The following USP31 variants were observed in gnomAD, a reference collection of about 807,000 sequenced individuals.
USP31 encodes the protein ubiquitin carboxyl-terminal hydrolase 31.
USP31 carries 44 observed loss-of-function variants against 119.4 expected under a neutral mutation model. The observed-to-expected ratio is 0.37, with a 90% CI of 0.29 to 0.47. The LOEUF is 0.47. Ranked by LOEUF, USP31 falls within the 20% of genes least tolerant of loss-of-function variation. The pLI is 0.99. For missense variants in USP31, 1,643 were observed against 1,730.2 expected, an observed-to-expected ratio of 0.95 and a Z score of 0.89; for synonymous variants, 749 against 705.6, an observed-to-expected ratio of 1.06 and a Z score of -0.97.
At chr16:23,079,891 C>T in intron 13 of USP31, 55 bp downstream of exon 13, 1 of 1,475,570 alleles carries the variant, frequency 6.8e-7, no homozygotes, top group Non-Finnish European at 9.0e-7. Flanking sequence ...CTGCCACAAG[C>T]AAACCCGTCT....
rs143554067 is a variant in USP31 at position 23,068,580 on chromosome 16, T to C, written c.3525A>G (p.Lys1175=). ...SDRASATSTS[K]PNSPRVSQAR... is the part of the protein sequence containing the mutation. Reference sequence around the variant, plus strand: ...CCTGGCTCACCCGAGGGGAATTGGGTTTGGAGGTGGAGGTGGCGCTGGCTC... The same window carrying C: ...CCTGGCTCACCCGAGGGGAATTGGGCTTGGAGGTGGAGGTGGCGCTGGCTC... Residue 1175 remains lysine, a synonymous_variant, in exon 16 of 16, where the codon AAA becomes AAG. Coordinates refer to ENST00000219689, the MANE Select transcript of USP31 (RefSeq NM_020718.4). The C allele has an allele frequency of 6.2e-7, 1 of 1,613,582 alleles. No homozygotes were observed. The highest frequency in any genetic ancestry group is 1.3e-5 in the African/African-American group (1 of 74,738).
At chr16:23,134,397 T>C (rs928595720) in intron 1 of USP31, among the ~76,000 whole-genome samples, 1 of 152,208 alleles carries the variant, frequency 6.6e-6, no homozygotes, top group Non-Finnish European at 1.5e-5. Context: ...CCAGGCCCCC[T>C]GCCAAGTTTT....
At position 23,120,735 on chromosome 16, in the gene USP31, T is replaced by C. The variant is rs1902638963; in HGVS notation, c.634-12552A>G. Among the ~76,000 whole-genome samples, 4 of 152,302 alleles carry C rather than the reference T, an allele frequency of 2.6e-5. No homozygotes were observed. The South Asian group carries it at 8.3e-4, about 32-fold the overall frequency. On this transcript the variant is annotated intron_variant, in intron 1 of 15. Coordinates refer to ENST00000219689, the MANE Select transcript of USP31 (RefSeq NM_020718.4). ...ACATACGAACTCAGCACAATGACCC[T>C]GCCCACAGCACAAGAGCCAATCAAT...
At chr16:23,099,529 AAATTAACTCAAAATAGT>A (rs1365696360) in intron 6 of USP31, among the ~76,000 whole-genome samples, 1 of 152,120 alleles carries the variant, frequency 6.6e-6, no homozygotes, top group Non-Finnish European at 1.5e-5. Context: ...TGCACATAAA[AAATTAACTCAAAATAGT>A]TCAAAAAACT....
At chr16:23,122,521 G>T (rs1362859663) in intron 1 of USP31, among the ~76,000 whole-genome samples, 1 of 152,078 alleles carries the variant, frequency 6.6e-6, no homozygotes. Context: ...GTTCACAGCA[G>T]CATTATTTAT....
At chr16:23,143,247 GTTCTTTGCCAGC>G (rs1473681279) in intron 1 of USP31, among the ~76,000 whole-genome samples, 2 of 152,164 alleles carry the variant, frequency 1.3e-5, no homozygotes, top group African/African-American at 4.8e-5. Context: ...TGTGCTAGCT[GTTCTTTGCCAGC>G]ACAATTTAAA....
At chr16:23,103,441 A>G (rs565688852) in intron 5 of USP31, among the ~76,000 whole-genome samples, 48 of 152,370 alleles carry the variant, frequency 3.2e-4, no homozygotes, top group African/African-American at 1.1e-3. Flanking sequence ...ATACAAAGCA[A>G]GGTAAAAATA....
At position 23,148,849 on chromosome 16, in the gene USP31, G is replaced by C; in HGVS notation, c.422C>G (p.Ala141Gly). Reference sequence around the variant, plus strand: ...GGTGTTGCTGAGGCACTGCAGCGTGGCGTTCATGAAGCACGTGTTGCCGTG... The same window carrying C: ...GGTGTTGCTGAGGCACTGCAGCGTGCCGTTCATGAAGCACGTGTTGCCGTG... ...RNHGNTCFMNATLQCLSNTEL... is the reference protein window; with the variant it reads ...RNHGNTCFMNGTLQCLSNTEL... Residue 141 changes from alanine (A) to glycine (G), a missense_variant, in exon 1 of 16, where the codon GCC (alanine) becomes GGC (glycine). Physicochemically the swap from Ala to Gly is moderately conservative, Grantham distance 60 (BLOSUM62 0). Coordinates refer to ENST00000219689, the MANE Select transcript of USP31 (RefSeq NM_020718.4). 6.5e-7 allele frequency: 1 copy of C among 1,528,372 alleles called. No individual in the cohort carries two copies. The highest frequency in any genetic ancestry group is 8.8e-7 in the Non-Finnish European group (1 of 1,138,810). The allele number at this position is 1,528,372 out of a possible 1,614,324, so 94.7% of individuals were successfully genotyped here.
intron 1 of USP31, among the ~76,000 whole-genome samples, chr16:23,137,867 A>T (rs10451083): frequency 0.28 from 42,631 of 151,972 alleles, 6,320 homozygotes; most frequent in Admixed American, 0.35. Context: ...CACTTAGCAA[A>T]GTGATATCAT....
At chr16:23,102,163 T>C (rs970095793) in intron 6 of USP31, among the ~76,000 whole-genome samples, 156 bp downstream of exon 6, 5 of 151,994 alleles carry the variant, frequency 3.3e-5, no homozygotes, top group African/African-American at 1.2e-4. Context: ...AATATTACTA[T>C]AAGATTTTTA....
rs1262464464 is a variant in USP31, at chr16:23,069,006, A to C, written c.3099T>G (p.Ser1033=). 2 of 1,613,912 alleles carry C rather than the reference A, an allele frequency of 1.2e-6. No individual in the cohort carries two copies. The highest frequency in any genetic ancestry group is 2.7e-5 in the African/African-American group (2 of 74,950). Reference sequence around the variant, plus strand: ...CCTTCCGCAAGCTTTTCTCTGGCTCAGAAGTGCCTTTGGAACTGGGGGATC... The same window carrying C: ...CCTTCCGCAAGCTTTTCTCTGGCTCCGAAGTGCCTTTGGAACTGGGGGATC... ...TKRSPSSKGT[S]EPEKSLRKGR... is the part of the protein sequence containing the mutation. Residue 1033 remains serine (S), a synonymous_variant, in exon 16 of 16, where the codon TCT becomes TCG. Coordinates refer to ENST00000219689, the MANE Select transcript of USP31 (RefSeq NM_020718.4).
Position 23,106,313 on chromosome 16 carries a change from A to G in USP31, c.861-8T>C. 2 of 1,614,182 alleles carry G rather than the reference A, an allele frequency of 1.2e-6. No individual in the cohort carries two copies. The highest frequency in any genetic ancestry group is 1.7e-6 in the Non-Finnish European group (2 of 1,180,022). On this transcript the variant is annotated splice_region_variant and splice_polypyrimidine_tract_variant and intron_variant, in intron 3 of 15. Coordinates refer to ENST00000219689, the MANE Select transcript of USP31 (RefSeq NM_020718.4). ...GGACACGTCAAAGAAGATCTTCAAAACAAAAAGGTAAGACGCTTGACATTA... is the reference window on the plus strand; with the variant it reads ...GGACACGTCAAAGAAGATCTTCAAAGCAAAAAGGTAAGACGCTTGACATTA...
Position 23,113,383 on chromosome 16 carries a change from G to A in USP31, c.634-5200C>T, listed in dbSNP as rs190688537. On this transcript the variant is annotated intron_variant, in intron 1 of 15. Coordinates refer to ENST00000219689, the MANE Select transcript of USP31 (RefSeq NM_020718.4). ...ATATGGTGAGAAGAGGAAGCAGCTG[G>A]GACAGAATCTTGAACACTGGAAAAG... is the stretch of plus-strand genomic sequence containing the variant. Among the ~76,000 whole-genome samples the A allele has an allele frequency of 1.3e-3, 203 of 152,234 alleles. 1 individual carries two copies. Among genetic ancestry groups the A allele is most frequent in the Non-Finnish European group, 1.9e-3 (131 of 68,014 alleles).
chr16:23,113,483 G>C (rs1370772629), intron 1 of USP31, among the ~76,000 whole-genome samples: 1 of 152,130 alleles, frequency 6.6e-6, no homozygotes, highest in Non-Finnish European at 1.5e-5. Flanking sequence ...TACAAGTGAG[G>C]ACAGACAAAC....
intron 1 of USP31, among the ~76,000 whole-genome samples, chr16:23,114,816 A>T (rs1387688481): frequency 6.6e-6 from 1 of 152,212 alleles, no homozygotes; most frequent in Non-Finnish European, 1.5e-5. Context: ...CCCTAAAGGA[A>T]ATTTAAGGAA....
intron 1 of USP31, among the ~76,000 whole-genome samples, chr16:23,122,504 T>C (rs1236853792): frequency 2.6e-5 from 4 of 152,212 alleles, no homozygotes; most frequent in Non-Finnish European, 4.4e-5. Context: ...AAAATCTGTA[T>C]GTGAATGTTC....
intron 6 of USP31, among the ~76,000 whole-genome samples, chr16:23,099,632 A>T (rs1271739719): frequency 2.0e-5 from 3 of 152,226 alleles, no homozygotes; most frequent in Non-Finnish European, 4.4e-5. Flanking sequence ...GATTTGATAA[A>T]GTGTCAGACA....
intron 6 of USP31, among the ~76,000 whole-genome samples, chr16:23,097,919 A>G (rs1340985559): frequency 2.0e-5 from 3 of 152,216 alleles, no homozygotes; most frequent in East Asian, 3.9e-4. Context: ...GCACAAGACA[A>G]GGATGCCCTC....
rs1271329937 is a variant in USP31, at chr16:23,149,138, C to T, written c.133G>A (p.Gly45Arg). The T allele has an allele frequency of 2.4e-6, 3 of 1,241,188 alleles. No homozygotes were observed. The highest frequency in any genetic ancestry group is 2.1e-6 in the Non-Finnish European group (2 of 971,330). The allele number at this position is 1,241,188 out of a possible 1,614,324, so 76.9% of individuals were successfully genotyped here. A position where few individuals can be genotyped will look rare whatever the true frequency, so the allele number is the denominator to read the frequency against. ...GAGGGCGAGGAAGGCGCGGCCGGCC[C>T]GGACGCCCCGGGGCCCCCCGCGCCG... is the stretch of plus-strand genomic sequence containing the variant. ...GGGAGGPGAS[G>R]PAAPSSPSSP... is the part of the protein sequence containing the mutation. The change falls in exon 1 of 16, where the codon GGG becomes AGG. Residue 45 changes from glycine (G) to arginine (R), a missense_variant. Coordinates refer to ENST00000219689, the MANE Select transcript of USP31 (RefSeq NM_020718.4).
Sources: gnomAD v4.1 joint callset for allele counts (sites outside exome capture counted in the v4.1 genomes callset) on GRCh38, gnomAD v4.1.1 for gene constraint, MANE v1.5 for transcripts, NCBI Gene and HGNC (gene_info 2026-07-23, HGNC 2026-07-21) for gene names.